The following LRRTM1 variants were observed in gnomAD, a reference collection of about 807,000 sequenced individuals.
The protein encoded by LRRTM1 is leucine rich repeat transmembrane neuronal 1.
Under a neutral mutation model 37.3 loss-of-function variants are expected in LRRTM1, and 8 were observed. The ratio of observed to expected loss-of-function variants is 0.21; its 90% CI spans 0.13 to 0.39. The LOEUF is 0.39. Among genes scored for constraint, LRRTM1 ranks in the 10% least tolerant of loss-of-function variants. The pLI, the probability that LRRTM1 is intolerant of heterozygous loss-of-function variation, is 1.00. For synonymous variants in LRRTM1, 326 were observed against 316.8 expected, an observed-to-expected ratio of 1.03 and a Z score of -0.31; for missense variants, 557 against 691.0, an observed-to-expected ratio of 0.81 and a Z score of 2.17.
At chr2:80,297,461 A>G (rs1337678724), downstream of LRRTM1, among the ~76,000 whole-genome samples, 3 of 152,182 alleles carry the variant, frequency 2.0e-5, no homozygotes, top group Non-Finnish European at 2.9e-5. Flanking sequence ...ACTGCTCAGT[A>G]AATTGTATTT....
chr2:80,303,968 C>A lies in LRRTM1; in HGVS notation c.-59-90G>T, dbSNP rs899426304. On this transcript the variant is annotated intron_variant, in intron 1 of 1. Coordinates refer to ENST00000295057, the MANE Select transcript of LRRTM1 (RefSeq NM_178839.5). This position sits in a 1 kb window ranked among gnomAD's most constrained non-coding sequence, Gnocchi z 7.7. Reference sequence around the variant, plus strand: ...ATAAATACATAGAAATAAAGAAGGACCCCCCTCCCCAAAAACCACACGTTC... The same window carrying A: ...ATAAATACATAGAAATAAAGAAGGAACCCCCTCCCCAAAAACCACACGTTC... 3 of 928,218 alleles carry A rather than the reference C, an allele frequency of 3.2e-6. No individual in the cohort carries two copies. Among genetic ancestry groups the A allele is most frequent in the Non-Finnish European group, 4.5e-6 (3 of 660,288 alleles). The allele number at this position is 928,218 out of a possible 1,614,324, so 57.5% of individuals were successfully genotyped here. A position where few individuals can be genotyped will look rare whatever the true frequency, so the allele number is the denominator to read the frequency against.
downstream of LRRTM1, chr2:80,298,470 G>A (rs1284695629): frequency 6.6e-6 from 1 of 152,106 alleles, no homozygotes; most frequent in African/African-American, 2.4e-5. Context: ...CTGTTCTACT[G>A]GGCCATGTCA....
Position 80,302,311 on chromosome 2 carries a change from G to T in LRRTM1, c.1509C>A (p.Ile503=). 1 of 1,614,192 alleles carries T rather than the reference G, an allele frequency of 6.2e-7. No homozygotes were observed. The highest frequency in any genetic ancestry group is 8.5e-7 in the Non-Finnish European group (1 of 1,180,034). ...KPNHIEGALV[I]INEYGSCTCH... ...AGGTACACGAGCCATACTCGTTGATGATCACCAGGGCTCCCTCAATGTGGT... is the reference window on the plus strand; with the variant it reads ...AGGTACACGAGCCATACTCGTTGATTATCACCAGGGCTCCCTCAATGTGGT... Residue 503 remains isoleucine (I), a synonymous_variant, in exon 2 of 2, where the codon ATC becomes ATA. Transcript: ENST00000295057. The surrounding 1 kb of genome is among the most constrained non-coding windows in gnomAD (Gnocchi z 6.4).
downstream of LRRTM1, among the ~76,000 whole-genome samples, chr2:80,297,329 A>ACTAG (rs551138046): frequency 4.6e-5 from 7 of 152,106 alleles, no homozygotes; most frequent in Non-Finnish European, 1.0e-4. Flanking sequence ...GCTTCCAATC[A>ACTAG]CTAGCTGGGT....
chr2:80,298,451 A>G (rs1470737558), downstream of LRRTM1: 2 of 152,330 alleles, frequency 1.3e-5, no homozygotes, highest in Admixed American at 6.5e-5. Flanking sequence ...CATGTGATCC[A>G]TCAATGCCCT....
chr2:80,293,210 G>T (rs1675420343), intron 2 of LRRTM1, among the ~76,000 whole-genome samples: 1 of 152,138 alleles, frequency 6.6e-6, no homozygotes, highest in Admixed American at 6.5e-5. Context: ...ACAGATTGTT[G>T]CATTGTTCCA....
chr2:80,301,155 C>A (rs1363841434), downstream of LRRTM1, among the ~76,000 whole-genome samples: 1 of 152,170 alleles, frequency 6.6e-6, no homozygotes, highest in Non-Finnish European at 1.5e-5. Context: ...ACCCTGCAGG[C>A]ATTCATCCTA....
chr2:80,297,444 A>G (rs76237097), downstream of LRRTM1, among the ~76,000 whole-genome samples: 623 of 152,326 alleles, frequency 4.1e-3, 17 homozygotes, highest in Admixed American at 0.034. Flanking sequence ...AAGGCACCAT[A>G]CCAGCGACTG....
chr2:80,298,541 C>T (rs1470962721), downstream of LRRTM1: 1 of 152,184 alleles, frequency 6.6e-6, no homozygotes, highest in Non-Finnish European at 1.5e-5. Context: ...ACACAAGTGG[C>T]CCCTAATCCT....
chr2:80,302,754 C>A lies in LRRTM1; in HGVS notation c.1066G>T (p.Ala356Ser). 6.2e-7 allele frequency: 1 copy of A among 1,613,040 alleles called. No individual in the cohort carries two copies. The highest frequency in any genetic ancestry group is 8.5e-7 in the Non-Finnish European group (1 of 1,179,820). The change falls in exon 2 of 2, where the codon GCC (alanine) becomes TCC (serine). Residue 356 changes from alanine (A) to serine (S), a missense_variant. By Grantham distance (99) the Ala-to-Ser change is moderately conservative. Coordinates refer to ENST00000295057, the MANE Select transcript of LRRTM1 (RefSeq NM_178839.5). The surrounding 1 kb of genome is among the most constrained non-coding windows in gnomAD (Gnocchi z 6.4). Reference protein sequence around the residue: ...EYAQGEDVLDAVYAFHLCEDG... With the variant: ...EYAQGEDVLDSVYAFHLCEDG... The stretch of plus-strand genomic sequence containing the variant: ...TCGCACAGGTGGAAGGCGTACACGG[C>A]GTCCAGGACGTCCTCGCCCTGTGCG...
Position 80,303,550 on chromosome 2 carries a change from C to G in LRRTM1, c.270G>C (p.Gln90His). 6.2e-7 allele frequency: 1 copy of G among 1,614,250 alleles called. No homozygotes were observed. The highest frequency in any genetic ancestry group is 8.5e-7 in the Non-Finnish European group (1 of 1,180,054). The change falls in exon 2 of 2, where the codon CAG becomes CAC. Residue 90 changes from glutamine to histidine, a missense_variant. Gln to His is a conservative substitution (Grantham distance 24). Around this residue, in one of 5 missense-constraint regions of LRRTM1, gnomAD observed 140 missense variants for 138.1 expected, o/e 1.01. Transcript: ENST00000295057. The surrounding 1 kb of genome is among the most constrained non-coding windows in gnomAD (Gnocchi z 7.7). ...TGTGATCCAGATAGAGCCACGTGAGCTGCATTAACCCCGTGAACTGGCCGG... is the reference window on the plus strand; with the variant it reads ...TGTGATCCAGATAGAGCCACGTGAGGTGCATTAACCCCGTGAACTGGCCGG... ...LRAGQFTGLM[Q>H]LTWLYLDHNH...
At chr2:80,290,801 G>A (rs931876345) in intron 2 of LRRTM1, among the ~76,000 whole-genome samples, 4 of 151,486 alleles carry the variant, frequency 2.6e-5, no homozygotes, top group Admixed American at 6.6e-5. Flanking sequence ...CTATGAATTC[G>A]GTAAAAAGAA....
intron 2 of LRRTM1, among the ~76,000 whole-genome samples, chr2:80,293,488 A>G (rs1390957553): frequency 6.6e-6 from 1 of 152,212 alleles, no homozygotes; most frequent in Non-Finnish European, 1.5e-5. Flanking sequence ...TCCTGGCTTT[A>G]CTTTAAGCCC....
At position 80,303,967 on chromosome 2, in the gene LRRTM1, AC is replaced by A. The variant is rs1024845860; in HGVS notation, c.-59-90del. On this transcript the variant is annotated intron_variant, in intron 1 of 1. Coordinates refer to ENST00000295057, the MANE Select transcript of LRRTM1 (RefSeq NM_178839.5). This position sits in a 1 kb window ranked among gnomAD's most constrained non-coding sequence, Gnocchi z 7.7. ...AATAAATACATAGAAATAAAGAAGG[AC>A]CCCCCTCCCCAAAAACCACACGTTC... is the stretch of plus-strand genomic sequence containing the variant. The A allele has an allele frequency of 2.6e-5, 23 of 891,860 alleles. No homozygotes were observed. Among genetic ancestry groups the A allele is most frequent in the South Asian group, 1.1e-4 (3 of 27,928 alleles). The allele number at this position is 891,860 out of a possible 1,614,324, so 55.2% of individuals were successfully genotyped here. A position where few individuals can be genotyped will look rare whatever the true frequency, so the allele number is the denominator to read the frequency against.
rs1377941938 is a variant in LRRTM1, at chr2:80,303,790, T to G, written c.30A>C (p.Leu10=). The change falls in exon 2 of 2, where the codon CTA becomes CTC. Residue 10 remains leucine (L), a synonymous_variant. Transcript: ENST00000295057. The surrounding 1 kb of genome is among the most constrained non-coding windows in gnomAD (Gnocchi z 7.7). ...CCGAGGGCCTCCTCAGCAGCCAGTA[T>G]AGACAGAGACCGAGCAGCAGGAAAT... The part of the protein sequence containing the change: MDFLLLGLC[L]YWLLRRPSGV... 9.1e-6 allele frequency: 14 copies of G among 1,535,316 alleles called. No homozygotes were observed. The South Asian group carries it at 1.7e-4, about 18-fold the overall frequency.
downstream of LRRTM1, among the ~76,000 whole-genome samples, chr2:80,300,626 C>CA (rs906129871): frequency 5.1e-4 from 77 of 150,974 alleles, no homozygotes; most frequent in Non-Finnish European, 7.4e-4. Flanking sequence ...TTCTCTCTCT[C>CA]AAAAAAAAGG....
rs1250497522 is a variant in LRRTM1 at position 80,303,064 on chromosome 2, C to G, written c.756G>C (p.Leu252=). The G allele has an allele frequency of 6.2e-7, 1 of 1,613,950 alleles. No individual in the cohort carries two copies. Among genetic ancestry groups the G allele is most frequent in the Non-Finnish European group, 8.5e-7 (1 of 1,180,010 alleles). ...TTTTCTCCAGGTTCCAAACCCAGTC[C>G]AGCGAGCTGACCACAATGGCCACCT... ...RNKVAIVVSS[L]DWVWNLEKMD... Residue 252 remains leucine (L), a synonymous_variant, in exon 2 of 2, where the codon CTG becomes CTC. Coordinates refer to ENST00000295057, the MANE Select transcript of LRRTM1 (RefSeq NM_178839.5). This position sits in a 1 kb window ranked among gnomAD's most constrained non-coding sequence, Gnocchi z 7.7.
At chr2:80,294,951 G>A (rs1675611390) in intron 2 of LRRTM1, among the ~76,000 whole-genome samples, 1 of 152,228 alleles carries the variant, frequency 6.6e-6, no homozygotes, top group African/African-American at 2.4e-5. Context: ...AGGAGTCAGT[G>A]TAATCACAGC....
At chr2:80,295,748 A>G (rs1448058851) in intron 2 of LRRTM1, among the ~76,000 whole-genome samples, 1 of 152,220 alleles carries the variant, frequency 6.6e-6, no homozygotes, top group Non-Finnish European at 1.5e-5. Flanking sequence ...TCTAAAGATG[A>G]TAACTCCTGA....
Sources: gnomAD v4.1 joint callset for allele counts (sites outside exome capture counted in the v4.1 genomes callset) on GRCh38, gnomAD v4.1.1 for gene constraint, gnomAD v4.1.1 regional missense constraint, Gnocchi (gnomAD v3.1) non-coding constraint, MANE v1.5 for transcripts, NCBI Gene and HGNC (gene_info 2026-07-23, HGNC 2026-07-21) for gene names.